Variants in ATXN1 observed in about 807,000 individuals in gnomAD.
The protein encoded by ATXN1 is ataxin 1.
ATXN1 carries 8 observed loss-of-function variants against 56.4 expected under a neutral mutation model. The observed-to-expected ratio is 0.14, with a 90% CI of 0.08 to 0.26. The LOEUF is 0.26. ATXN1 is among the 10% of genes least tolerant of loss of function. The pLI is 1.00. For missense variants in ATXN1, 987 were observed against 1,106.5 expected (o/e 0.89, Z 1.53); for synonymous variants, 514 against 494.6 (o/e 1.04, Z -0.52).
intron 6 of ATXN1, among the ~76,000 whole-genome samples, chr6:16,336,687 CCT>C (rs1484743220): frequency 2.6e-5 from 4 of 152,152 alleles, no homozygotes; most frequent in African/African-American, 4.8e-5. Flanking sequence ...CACAGGCTCC[CCT>C]GAGTCCGTGG....
At chr6:16,456,276 C>T (rs1314875823) in intron 6 of ATXN1, among the ~76,000 whole-genome samples, 1 of 152,180 alleles carries the variant, frequency 6.6e-6, no homozygotes, top group Non-Finnish European at 1.5e-5. Flanking sequence ...CCAGATATTG[C>T]AACGTGGTGA....
At chr6:16,711,705 C>A (rs1366225812) in intron 2 of ATXN1, among the ~76,000 whole-genome samples, 5 of 151,822 alleles carry the variant, frequency 3.3e-5, no homozygotes, top group South Asian at 4.1e-4. Flanking sequence ...AGGCTTGACC[C>A]CTCCCAGGCT....
intron 6 of ATXN1, among the ~76,000 whole-genome samples, chr6:16,417,386 A>C (rs1758932714): frequency 6.6e-6 from 1 of 151,640 alleles, no homozygotes; most frequent in East Asian, 1.9e-4. Context: ...CAGAATAAGA[A>C]AGTCTTTCCT....
intron 6 of ATXN1, among the ~76,000 whole-genome samples, chr6:16,356,015 C>T (rs980877315): frequency 5.9e-5 from 9 of 152,232 alleles, no homozygotes; most frequent in South Asian, 2.1e-4. Context: ...TCCTTCCCCG[C>T]GACCATTCTC....
At chr6:16,486,813 T>A (rs1487438012) in intron 5 of ATXN1, among the ~76,000 whole-genome samples, 4 of 152,172 alleles carry the variant, frequency 2.6e-5, no homozygotes, top group African/African-American at 9.7e-5. Context: ...TCCCTCAGAT[T>A]GCTGGTTTGC....
At position 16,300,095 on chromosome 6, in the gene ATXN1, G is replaced by A. The variant is rs1000372635; in HGVS notation, c.*6234C>T. The A allele has an allele frequency of 2.0e-5, 3 of 152,760 alleles. No homozygotes were observed. The highest frequency in any genetic ancestry group is 3.4e-3 in the Middle Eastern group (1 of 294). 9.5% of individuals were successfully genotyped at this position (152,760 alleles called of 1,614,324 possible). On this transcript the variant is annotated 3_prime_UTR_variant, in exon 8 of 8. Transcript: ENST00000436367. ...TACTGTAAACAACACTTCCAACGAA[G>A]GCCTTCAGATTGGCCACAGAAAAGG... is the stretch of plus-strand genomic sequence containing the variant.
At chr6:16,369,532 C>T (rs148603582) in intron 6 of ATXN1, among the ~76,000 whole-genome samples, 278 of 152,316 alleles carry the variant, frequency 1.8e-3, no homozygotes, top group African/African-American at 6.3e-3. Flanking sequence ...TTTACTCATG[C>T]GGTAAATGCC....
At chr6:16,310,538 A>G (rs573848788) in intron 7 of ATXN1, among the ~76,000 whole-genome samples, 1 of 152,256 alleles carries the variant, frequency 6.6e-6, no homozygotes, top group East Asian at 1.9e-4. Context: ...GCTGGAGTGC[A>G]GTGGCGCGAT....
intron 6 of ATXN1, among the ~76,000 whole-genome samples, chr6:16,365,544 TTTGGGGGCTTAACACCCC>T (rs761102595): frequency 1.3e-5 from 2 of 152,230 alleles, no homozygotes; most frequent in Non-Finnish European, 2.9e-5. Context: ...TCAAATGACA[TTTGGGGGCTTAACACCCC>T]TTGGCTTTAG....
chr6:16,442,967 G>T (rs987186481), intron 6 of ATXN1, among the ~76,000 whole-genome samples: 1 of 152,046 alleles, frequency 6.6e-6, no homozygotes, highest in African/African-American at 2.4e-5. Flanking sequence ...AGCCAAGATG[G>T]TGCCACTGCT....
intron 3 of ATXN1, among the ~76,000 whole-genome samples, chr6:16,644,806 G>GTCC (rs1763773591): frequency 6.6e-6 from 1 of 152,074 alleles, no homozygotes; most frequent in African/African-American, 2.4e-5. Flanking sequence ...TTCGCAAAGT[G>GTCC]AGCACAGCTG....
intron 6 of ATXN1, among the ~76,000 whole-genome samples, chr6:16,360,445 T>C (rs1761785433): frequency 6.6e-6 from 1 of 152,228 alleles, no homozygotes; most frequent in Non-Finnish European, 1.5e-5. Context: ...TTGAATAACA[T>C]ATTCAGCATT....
At chr6:16,525,620 A>T (rs1761375688) in intron 4 of ATXN1, among the ~76,000 whole-genome samples, 1 of 152,204 alleles carries the variant, frequency 6.6e-6, no homozygotes, top group Non-Finnish European at 1.5e-5. Context: ...ATAGCACAAC[A>T]GAGTGACTAT....
rs1554128995 is a variant in ATXN1, at chr6:16,730,487, G to GTATGTATATA, written c.-615+22745_-615+22746insTATATACATA. Among the ~76,000 whole-genome samples, 1,036 of 132,044 alleles carry GTATGTATATA rather than the reference G, an allele frequency of 7.8e-3. 15 individuals are homozygous for GTATGTATATA. The highest frequency in any genetic ancestry group is 0.017 in the East Asian group (82 of 4,864). 86.6% of individuals were successfully genotyped at this position (132,044 alleles called of 152,430 possible). Reference sequence around the variant, plus strand: ...CTGGAGTTAAAGGGTAAAACAGTATGTATATATATATATATATATAAATGT... The same window carrying GTATGTATATA: ...CTGGAGTTAAAGGGTAAAACAGTATGTATGTATATATATATATATATATATATATAAATGT... On this transcript the variant is annotated intron_variant, in intron 2 of 7. Coordinates refer to ENST00000436367, the MANE Select transcript of ATXN1 (RefSeq NM_001128164.2).
chr6:16,650,868 T>G (rs138698546), intron 3 of ATXN1, among the ~76,000 whole-genome samples: 105 of 152,310 alleles, frequency 6.9e-4, no homozygotes, highest in African/African-American at 2.4e-3. Flanking sequence ...CACAACAGCA[T>G]GTCAGAAATG....
chr6:16,367,333 T>TTC (rs754991999), intron 6 of ATXN1, among the ~76,000 whole-genome samples: 169 of 79,158 alleles, frequency 2.1e-3, no homozygotes, highest in Middle Eastern at 0.012. Context: ...AAGATTCTGT[T>TTC]TCTCTCTCTC....
chr6:16,406,569 C>A (rs1758689320), intron 6 of ATXN1, among the ~76,000 whole-genome samples: 1 of 152,150 alleles, frequency 6.6e-6, no homozygotes, highest in African/African-American at 2.4e-5. Context: ...ATTCAAAGAC[C>A]TGTGCTAACA....
chr6:16,751,789 T>C (rs191922770), intron 2 of ATXN1, among the ~76,000 whole-genome samples: 97 of 152,354 alleles, frequency 6.4e-4, no homozygotes, highest in African/African-American at 2.2e-3. Flanking sequence ...TCATAAAACA[T>C]GACCATAACA....
chr6:16,470,054 A>T (rs1760187762), intron 6 of ATXN1, among the ~76,000 whole-genome samples: 1 of 152,226 alleles, frequency 6.6e-6, no homozygotes, highest in South Asian at 2.1e-4. Flanking sequence ...AGCATTATTA[A>T]CAATAAACTA....
Sources: allele counts gnomAD v4.1 joint callset (sites outside exome capture counted in the v4.1 genomes callset), GRCh38; gene constraint gnomAD v4.1.1; transcripts MANE v1.5; gene names NCBI Gene and HGNC (gene_info 2026-07-23, HGNC 2026-07-21).